DNAH5: variants seen among roughly 807,000 people sequenced by gnomAD.
The protein encoded by DNAH5 is dynein axonemal heavy chain 5, also known as axonemal beta dynein heavy chain 5.
Under a neutral mutation model 518.2 loss-of-function variants are expected in DNAH5, and 372 were observed. That is an observed-to-expected ratio of 0.72 (90% CI 0.66 to 0.78). DNAH5 has a LOEUF of 0.78. Among genes scored for constraint, DNAH5 ranks in the 30% least tolerant of loss-of-function variants. The probability of loss-of-function intolerance (pLI) is 0.00; values close to 1 mark genes in which losing one functional copy is unlikely to be tolerated. For missense variants in DNAH5, 5,523 were observed against 5,687.0 expected (o/e 0.97, Z 0.93); for synonymous variants, 2,039 against 2,025.9 (o/e 1.01, Z -0.17).
intron 1 of DNAH5, among the ~76,000 whole-genome samples, chr5:13,953,881 T>C (rs1286176794): frequency 6.6e-6 from 1 of 152,152 alleles, no homozygotes; most frequent in Non-Finnish European, 1.5e-5. Flanking sequence ...CTAATTTTTG[T>C]ATTTTTGGTA....
At chr5:13,877,974 C>A (rs1771118040) in intron 21 of DNAH5, among the ~76,000 whole-genome samples, 1 of 152,100 alleles carries the variant, frequency 6.6e-6, no homozygotes, top group African/African-American at 2.4e-5. Context: ...TCAAGTGCCC[C>A]AACATTTACA....
intron 75 of DNAH5, among the ~76,000 whole-genome samples, 178 bp from the exon 76 acceptor site, chr5:13,708,513 G>C (rs543435045): frequency 5.1e-4 from 77 of 152,066 alleles, no homozygotes; most frequent in Non-Finnish European, 1.1e-3. Context: ...AAAAGTATCT[G>C]TTAGATGACC....
chr5:13,798,712 G>C (rs1758217268), intron 47 of DNAH5, among the ~76,000 whole-genome samples: 1 of 151,144 alleles, frequency 6.6e-6, no homozygotes, highest in Admixed American at 6.6e-5. Context: ...TAATTGCACA[G>C]TGTACATTTT....
upstream of DNAH5, among the ~76,000 whole-genome samples, chr5:13,946,713 C>T (rs1779954303): frequency 6.6e-6 from 1 of 152,198 alleles, no homozygotes; most frequent in Non-Finnish European, 1.5e-5. Flanking sequence ...ATTGGTCATA[C>T]ACAAATCCTG....
At chr5:13,822,727 C>A (rs1357251008) in intron 40 of DNAH5, among the ~76,000 whole-genome samples, 1 of 152,128 alleles carries the variant, frequency 6.6e-6, no homozygotes, top group Admixed American at 6.5e-5. Context: ...AAAGTTAAAG[C>A]TGCACCAAGT....
At chr5:13,980,369 T>C (rs972649373) in intron 1 of DNAH5, among the ~76,000 whole-genome samples, 29 of 152,268 alleles carry the variant, frequency 1.9e-4, no homozygotes, top group African/African-American at 6.7e-4. Flanking sequence ...ACTCCAGACA[T>C]GGATGTCCAA....
Position 13,870,889 on chromosome 5 carries a change from C to G in DNAH5, c.3712G>C (p.Glu1238Gln), listed in dbSNP as rs762166377. 2 of 1,613,200 alleles carry G rather than the reference C, an allele frequency of 1.2e-6. No individual in the cohort carries two copies. Among genetic ancestry groups the G allele is most frequent in the Admixed American group, 1.7e-5 (1 of 59,936 alleles). The change falls in exon 24 of 79, where the codon GAA becomes CAA. Residue 1238 changes from glutamate to glutamine, a missense_variant. Glu to Gln is a conservative substitution (Grantham distance 29). Transcript: ENST00000265104. ...EMENIFMLIE[E>Q]FNKKLNRPIK... is the part of the protein sequence containing the mutation. ...GGACGATTTAGTTTCTTATTGAATT[C>G]TTCAATAAGCATAAAAATGTTTTCC...
At chr5:13,984,319 GCT>G (rs1210030294) in intron 1 of DNAH5, among the ~76,000 whole-genome samples, 2 of 152,028 alleles carry the variant, frequency 1.3e-5, no homozygotes, top group Non-Finnish European at 2.9e-5. Flanking sequence ...TCATAATTTG[GCT>G]CTCTGTCTGT....
Position 13,794,085 on chromosome 5 carries a change from T to C in DNAH5, c.7888-27A>G, listed in dbSNP as rs764864801. The C allele has an allele frequency of 2.5e-6, 4 of 1,613,744 alleles. No individual in the cohort carries two copies. The Admixed American group carries it at 5.0e-5, about 20-fold the overall frequency. On this transcript the variant is annotated intron_variant, in intron 47 of 78. Transcript: ENST00000265104. The stretch of plus-strand genomic sequence containing the variant: ...TGTGAAAAAAAAATCAACTGAAACA[T>C]CTGTGAAAATATCCCCTAAAACCTG...
intron 12 of DNAH5, among the ~76,000 whole-genome samples, chr5:13,907,745 TA>T (rs59893932): frequency 0.33 from 50,345 of 151,970 alleles, 8,501 homozygotes; most frequent in South Asian, 0.38. Context: ...TGCAGAGCTA[TA>T]ATTAAAATCT....
chr5:13,864,073 C>A (rs1427845779), intron 28 of DNAH5, among the ~76,000 whole-genome samples: 1 of 152,248 alleles, frequency 6.6e-6, no homozygotes, highest in Non-Finnish European at 1.5e-5. Context: ...TTATCACCCC[C>A]AGGTGAACCA....
At chr5:13,920,718 G>C in intron 5 of DNAH5, 101 bp from the exon 6 acceptor site, 1 of 1,349,608 alleles carries the variant, frequency 7.4e-7, no homozygotes, top group Non-Finnish European at 1.1e-6. Context: ...CAGCGCTCTG[G>C]AAAGCCCACC....
chr5:13,873,556 G>A (rs951118167), intron 22 of DNAH5, among the ~76,000 whole-genome samples: 19 of 151,954 alleles, frequency 1.3e-4, no homozygotes, highest in Non-Finnish European at 1.8e-4. Flanking sequence ...CTTAACTCTT[G>A]TTGGGCCACA....
chr5:13,874,269 T>C (rs912030554), intron 22 of DNAH5, among the ~76,000 whole-genome samples: 2 of 152,200 alleles, frequency 1.3e-5, no homozygotes, highest in African/African-American at 4.8e-5. Flanking sequence ...CAGAAATGGA[T>C]AGAAGTTCCA....
chr5:13,898,855 G>A (rs1210847114), intron 15 of DNAH5: 8 of 374,568 alleles, frequency 2.1e-5, no homozygotes, highest in Admixed American at 4.6e-5. Context: ...CATCCCCTGG[G>A]TAGCAGCATT....
intron 76 of DNAH5, among the ~76,000 whole-genome samples, chr5:13,706,976 C>T (rs1037624207): frequency 6.6e-5 from 10 of 152,166 alleles, no homozygotes; most frequent in African/African-American, 2.2e-4. Context: ...CTCTTGTTTT[C>T]GTGCCCAAAT....
chr5:13,759,132 A>G (rs1751438685), intron 60 of DNAH5, 149 bp from the exon 61 acceptor site: 2 of 1,054,424 alleles, frequency 1.9e-6, no homozygotes, highest in South Asian at 2.6e-5. Flanking sequence ...TAAGTCCTGA[A>G]CAAATCTTAA....
At chr5:13,751,335 G>T (rs1750198105) in intron 64 of DNAH5, 75 bp from the exon 65 acceptor site, 2 of 1,346,676 alleles carry the variant, frequency 1.5e-6, no homozygotes, top group Non-Finnish European at 2.1e-6. Flanking sequence ...ATCAGATCAA[G>T]TATTGTTTTA....
At chr5:13,899,753 C>T (rs1774337962) in intron 15 of DNAH5, 1 of 178,648 alleles carries the variant, frequency 5.6e-6, no homozygotes, top group Non-Finnish European at 1.2e-5. Flanking sequence ...TTCCTGAGTT[C>T]TCTTATAACC....
Sources: allele counts gnomAD v4.1 joint callset (sites outside exome capture counted in the v4.1 genomes callset), GRCh38; gene constraint gnomAD v4.1.1; transcripts MANE v1.5; gene names NCBI Gene and HGNC (gene_info 2026-07-23, HGNC 2026-07-21).